The following RNASE10 variants were observed in gnomAD, a reference collection of about 807,000 sequenced individuals.
RNASE10 encodes ribonuclease A family member 10 (inactive).
RNASE10 carries 2 observed loss-of-function variants against 1.1 expected under a neutral mutation model. The ratio of observed to expected loss-of-function variants is 1.82; its 90% CI spans 0.74 to 5.73. RNASE10 has a LOEUF of 5.73. RNASE10 is among the 30% of genes most tolerant of loss of function. RNASE10 has a pLI of 0.05. For synonymous variants in RNASE10, 97 were observed against 96.2 expected, an observed-to-expected ratio of 1.01 and a Z score of -0.05; for missense variants, 276 against 263.4, an observed-to-expected ratio of 1.05 and a Z score of -0.33.
downstream of RNASE10, among the ~76,000 whole-genome samples, chr14:20,511,408 T>G (rs1882897949): frequency 6.6e-6 from 1 of 152,206 alleles, no homozygotes; most frequent in African/African-American, 2.4e-5. Flanking sequence ...ATTTGTTTCC[T>G]GCTCTGCTCT....
chr14:20,510,740 AGGTTGGG>A lies in RNASE10; in HGVS notation c.357_363del (p.Gly120ThrfsTer29). ...GAAGATCCCATCCTCGGTGAAGATG[AGGTTGGG>A]GGTAACAAGATGCTCAGAGCCTCAG... On this transcript the variant is annotated frameshift_variant, in exon 2 of 2. Coordinates refer to ENST00000430083, the Ensembl canonical transcript of RNASE10. LOFTEE classifies it low-confidence loss of function (END_TRUNC). 1 of 1,614,212 alleles carries A rather than the reference AGGTTGGG, an allele frequency of 6.2e-7. No individual in the cohort carries two copies. The highest frequency in any genetic ancestry group is 1.3e-5 in the African/African-American group (1 of 75,054).
Position 20,510,749 on chromosome 14 carries a change from G to C in RNASE10, c.362G>C (p.Gly121Ala), listed in dbSNP as rs763132246. 10 of 1,614,100 alleles carry C rather than the reference G, an allele frequency of 6.2e-6. No individual in the cohort carries two copies. In the South Asian group the frequency reaches 9.9e-5, roughly 16 times the overall value. Reference sequence around the variant, plus strand: ...ATCCTCGGTGAAGATGAGGTTGGGGGTAACAAGATGCTCAGAGCCTCAGCT... The same window carrying C: ...ATCCTCGGTGAAGATGAGGTTGGGGCTAACAAGATGCTCAGAGCCTCAGCT... The change falls in exon 2 of 2, where the codon GGT (glycine) becomes GCT (alanine). Residue 121 changes from glycine to alanine, a missense_variant. Coordinates refer to ENST00000430083, the Ensembl canonical transcript of RNASE10.
chr14:20,504,927 G>A (rs1280369675), upstream of RNASE10, among the ~76,000 whole-genome samples: 10 of 151,962 alleles, frequency 6.6e-5, no homozygotes, highest in Non-Finnish European at 1.2e-4. Flanking sequence ...CCCGCCACAC[G>A]TACACACCAC....
At chr14:20,505,261 G>C (rs113599984), upstream of RNASE10, among the ~76,000 whole-genome samples, 1 of 51,316 alleles carries the variant, frequency 1.9e-5, no homozygotes, top group Non-Finnish European at 3.4e-5. Context: ...AAGTGAGTTT[G>C]CTCCCTCTCC....
intron 1 of RNASE10, among the ~76,000 whole-genome samples, chr14:20,509,856 G>A (rs1490282171): frequency 1.3e-5 from 2 of 151,506 alleles, no homozygotes; most frequent in African/African-American, 4.9e-5. Context: ...GGGGCATGGT[G>A]GCTCACACTT....
chr14:20,504,877 C>T (rs1316566475), upstream of RNASE10, among the ~76,000 whole-genome samples: 4 of 151,866 alleles, frequency 2.6e-5, no homozygotes, highest in African/African-American at 9.7e-5. Flanking sequence ...AGTCCCTAAC[C>T]CAGCAAGGAC....
downstream of RNASE10, among the ~76,000 whole-genome samples, chr14:20,512,523 G>T (rs1483557406): frequency 6.6e-6 from 1 of 152,206 alleles, no homozygotes; most frequent in Non-Finnish European, 1.5e-5. Context: ...CTGAAGGGAA[G>T]AACGGTTTGC....
intron 1 of RNASE10, among the ~76,000 whole-genome samples, chr14:20,506,538 G>A (rs1882725471): frequency 8.4e-6 from 1 of 119,032 alleles, no homozygotes; most frequent in Non-Finnish European, 1.8e-5. Flanking sequence ...AGGAGGTGAG[G>A]GGCGCCTCTG....
chr14:20,510,627 A>G, exon 2 of RNASE10: 2 of 1,614,200 alleles, frequency 1.2e-6, no homozygotes, highest in Non-Finnish European at 1.7e-6. Flanking sequence ...CACAGGACAA[A>G]GCTGAGGCCA....
chr14:20,509,322 A>G (rs140670054), intron 1 of RNASE10, among the ~76,000 whole-genome samples: 2 of 152,256 alleles, frequency 1.3e-5, no homozygotes, highest in Non-Finnish European at 2.9e-5. Context: ...TGCTGGGATT[A>G]TAGGCAGAAG....
At chr14:20,506,832 C>T (rs1882744843) in intron 1 of RNASE10, among the ~76,000 whole-genome samples, 11 of 125,152 alleles carry the variant, frequency 8.8e-5, no homozygotes, top group African/African-American at 1.6e-4. Context: ...AGCCCCCCGC[C>T]TGGCCAGCCG....
chr14:20,508,106 A>G (rs1882797165), intron 1 of RNASE10, among the ~76,000 whole-genome samples: 1 of 152,196 alleles, frequency 6.6e-6, no homozygotes, highest in Admixed American at 6.5e-5. Context: ...ACATGTATAC[A>G]TATCCATATA....
At chr14:20,510,852 G>A in exon 2 of RNASE10, 1 of 1,614,200 alleles carries the variant, frequency 6.2e-7, no homozygotes, top group East Asian at 2.2e-5. Flanking sequence ...CACACAAGAT[G>A]AAGGAGCCCA....
exon 2 of RNASE10, chr14:20,510,761 T>C: frequency 6.2e-7 from 1 of 1,614,186 alleles, no homozygotes; most frequent in Non-Finnish European, 8.5e-7. Context: ...AACAAGATGC[T>C]CAGAGCCTCA....
intron 1 of RNASE10, among the ~76,000 whole-genome samples, chr14:20,507,019 G>A (rs1340458899): frequency 6.6e-6 from 1 of 150,726 alleles, no homozygotes; most frequent in African/African-American, 2.5e-5. Flanking sequence ...CCGGCCAGCC[G>A]CCCTGTCCGG....
chr14:20,506,232 G>A (rs1385349505), intron 1 of RNASE10, among the ~76,000 whole-genome samples: 5 of 134,798 alleles, frequency 3.7e-5, no homozygotes, highest in Non-Finnish European at 8.2e-5. Flanking sequence ...CGGGAGGTGA[G>A]GGGCTCCTCT....
chr14:20,504,546 G>C (rs914690628), upstream of RNASE10, among the ~76,000 whole-genome samples: 9 of 151,070 alleles, frequency 6.0e-5, no homozygotes, highest in African/African-American at 2.2e-4. Context: ...AAATTAGCCG[G>C]GCGCGGTGGC....
intron 1 of RNASE10, among the ~76,000 whole-genome samples, chr14:20,509,917 T>C (rs182376187): frequency 2.2e-4 from 32 of 147,790 alleles, no homozygotes; most frequent in Non-Finnish European, 3.9e-4. Context: ...CCGCAGGAGT[T>C]TGAGACCAGC....
chr14:20,511,946 C>G (rs898431828), downstream of RNASE10, among the ~76,000 whole-genome samples: 1 of 151,908 alleles, frequency 6.6e-6, no homozygotes, highest in Non-Finnish European at 1.5e-5. Flanking sequence ...ATCACTTATG[C>G]TATGTTGGTC....
Sources: allele counts gnomAD v4.1 joint callset (sites outside exome capture counted in the v4.1 genomes callset), GRCh38; gene constraint gnomAD v4.1.1; transcripts MANE v1.5; gene names NCBI Gene and HGNC (gene_info 2026-07-23, HGNC 2026-07-21).